The following SEPTIN9 variants were observed in gnomAD, a reference collection of about 807,000 sequenced individuals.
The protein encoded by SEPTIN9 is septin-9.
In SEPTIN9, 13 loss-of-function variants were observed where a neutral mutation model predicts 56.6. The observed-to-expected ratio is 0.23, with a 90% CI of 0.15 to 0.37. SEPTIN9 has a LOEUF of 0.37. Ranked by LOEUF, SEPTIN9 falls within the 10% of genes least tolerant of loss-of-function variation. SEPTIN9 has a pLI of 1.00. For missense variants in SEPTIN9, 650 were observed against 823.1 expected (o/e 0.79, Z 2.57); for synonymous variants, 332 against 334.1 (o/e 0.99, Z 0.07).
At chr17:77,438,299 G>A (rs1193751508) in intron 3 of SEPTIN9, among the ~76,000 whole-genome samples, 3 of 152,204 alleles carry the variant, frequency 2.0e-5, no homozygotes, top group Non-Finnish European at 1.5e-5. Context: ...GTTCCTTAGT[G>A]GTGGAGCCAG....
intron 3 of SEPTIN9, among the ~76,000 whole-genome samples, chr17:77,459,170 C>T (rs2038349133): frequency 3.3e-5 from 5 of 152,252 alleles, no homozygotes; most frequent in Non-Finnish European, 5.9e-5. Context: ...CTGCTTCCTG[C>T]CCGCCTGGGA....
chr17:77,282,108 A>C (rs924171356), intron 1 of SEPTIN9, among the ~76,000 whole-genome samples: 1 of 151,718 alleles, frequency 6.6e-6, no homozygotes, highest in Non-Finnish European at 1.5e-5. Flanking sequence ...TCCTCACTCC[A>C]CCCTAGCAGG....
chr17:77,351,211 C>T (rs2034051389), intron 2 of SEPTIN9, among the ~76,000 whole-genome samples: 1 of 148,832 alleles, frequency 6.7e-6, no homozygotes, highest in Non-Finnish European at 1.5e-5. Context: ...TGCGCAGGCA[C>T]ATGTGCGCGT....
intron 2 of SEPTIN9, among the ~76,000 whole-genome samples, chr17:77,316,661 G>A (rs987143271): frequency 2.6e-5 from 4 of 151,922 alleles, no homozygotes; most frequent in Non-Finnish European, 4.4e-5. Flanking sequence ...GCAGGAGTTC[G>A]TATGGAGAGT....
intron 1 of SEPTIN9, among the ~76,000 whole-genome samples, chr17:77,288,390 A>G (rs1190845612): frequency 6.6e-6 from 1 of 152,212 alleles, no homozygotes; most frequent in African/African-American, 2.4e-5. Flanking sequence ...TGGCCAGGCG[A>G]GGCGTGTTGG....
chr17:77,292,960 G>A (rs2031634115), intron 1 of SEPTIN9, among the ~76,000 whole-genome samples: 1 of 151,994 alleles, frequency 6.6e-6, no homozygotes, highest in African/African-American at 2.4e-5. Flanking sequence ...ATGTAATGGG[G>A]TCTAACCAGG....
chr17:77,346,922 AGGACATCTCTG>A (rs2033911077), intron 2 of SEPTIN9, among the ~76,000 whole-genome samples: 1 of 152,194 alleles, frequency 6.6e-6, no homozygotes, highest in Admixed American at 6.5e-5. Context: ...CAGCAGGAAA[AGGACATCTCTG>A]AAGCAGGGAG....
chr17:77,466,835 G>A (rs929493593), intron 3 of SEPTIN9, among the ~76,000 whole-genome samples: 2 of 152,204 alleles, frequency 1.3e-5, no homozygotes, highest in Non-Finnish European at 2.9e-5. Flanking sequence ...AGATGCGATC[G>A]AGTAAATGTG....
In SEPTIN9 at chr17:77,451,010, G is replaced by A. The variant is rs2037943839; in HGVS notation, c.722-31134G>A. ...GGGGGAGCACCTAGGAAGCAGGGGT[G>A]TCAGGCAGAGCACAAGGAGAGAGGG... On this transcript the variant is annotated intron_variant, in intron 3 of 11. Coordinates refer to ENST00000427177, the MANE Select transcript of SEPTIN9 (RefSeq NM_001113491.2). The surrounding 1 kb of genome is among the most constrained non-coding windows in gnomAD (Gnocchi z 4.2). The A allele has an allele frequency of 6.1e-6, 1 of 163,494 alleles. No homozygotes were observed. Among genetic ancestry groups the A allele is most frequent in the Non-Finnish European group, 1.3e-5 (1 of 78,358 alleles). The allele number at this position is 163,494 out of a possible 1,614,324, so 10.1% of individuals were successfully genotyped here. A position where few individuals can be genotyped will look rare whatever the true frequency, so the allele number is the denominator to read the frequency against.
At chr17:77,357,085 G>C (rs2034278801) in intron 2 of SEPTIN9, among the ~76,000 whole-genome samples, 1 of 152,076 alleles carries the variant, frequency 6.6e-6, no homozygotes, top group Admixed American at 6.6e-5. Flanking sequence ...CGGAGGAAGG[G>C]GCTGACACTC....
chr17:77,416,042 A>G (rs1292611287), intron 3 of SEPTIN9, among the ~76,000 whole-genome samples: 2 of 152,194 alleles, frequency 1.3e-5, no homozygotes, highest in Non-Finnish European at 2.9e-5. Context: ...ATGATGAACA[A>G]ATGTTGGAAT....
At chr17:77,401,898 G>A (rs1370660875) in intron 2 of SEPTIN9, among the ~76,000 whole-genome samples, 161 bp from the exon 3 acceptor site, 1 of 152,014 alleles carries the variant, frequency 6.6e-6, no homozygotes, top group Non-Finnish European at 1.5e-5. Flanking sequence ...TCCTAGGATG[G>A]GGCTGTCCCT....
intron 1 of SEPTIN9, 122 bp from the exon 2 acceptor site, chr17:77,307,019 C>T (rs1008861695): frequency 1.6e-5 from 15 of 955,448 alleles, no homozygotes; most frequent in East Asian, 4.8e-5. Context: ...AGATGGGCCC[C>T]GTTTCTGGCT....
At chr17:77,382,228 C>G (rs1011791019) in intron 2 of SEPTIN9, among the ~76,000 whole-genome samples, 1 of 152,164 alleles carries the variant, frequency 6.6e-6, no homozygotes, top group Non-Finnish European at 1.5e-5. Flanking sequence ...AAGGTTTCAT[C>G]CTGTTGGCCA....
chr17:77,388,733 G>A (rs1433617176), intron 2 of SEPTIN9, among the ~76,000 whole-genome samples: 1 of 150,854 alleles, frequency 6.6e-6, no homozygotes, highest in African/African-American at 2.5e-5. Context: ...TCGGCTGCCC[G>A]CCTTGGGGCC....
intron 2 of SEPTIN9, among the ~76,000 whole-genome samples, chr17:77,381,124 C>T (rs1028109572): frequency 3.3e-5 from 5 of 152,178 alleles, no homozygotes; most frequent in African/African-American, 4.8e-5. Flanking sequence ...GGTCCTGGCA[C>T]CTCCTTGTGG....
chr17:77,336,801 T>C (rs2033567511), intron 2 of SEPTIN9, among the ~76,000 whole-genome samples: 1 of 152,206 alleles, frequency 6.6e-6, no homozygotes, highest in South Asian at 2.1e-4. Context: ...GCCAAACTTA[T>C]AATGTTAACT....
chr17:77,284,859 A>T (rs963835422), intron 1 of SEPTIN9, among the ~76,000 whole-genome samples: 5 of 151,634 alleles, frequency 3.3e-5, no homozygotes, highest in African/African-American at 1.2e-4. Flanking sequence ...CGAACTCCTG[A>T]CCTCGTGATC....
intron 3 of SEPTIN9, among the ~76,000 whole-genome samples, chr17:77,452,206 C>T (rs935768396): frequency 6.6e-6 from 1 of 152,226 alleles, no homozygotes; most frequent in Admixed American, 6.5e-5. Context: ...GTCGGCCATG[C>T]AGAGGCATGT....
Sources: gnomAD v4.1 joint callset for allele counts (sites outside exome capture counted in the v4.1 genomes callset) on GRCh38, gnomAD v4.1.1 for gene constraint, Gnocchi (gnomAD v3.1) non-coding constraint, MANE v1.5 for transcripts, NCBI Gene and HGNC (gene_info 2026-07-23, HGNC 2026-07-21) for gene names.